The following KCNJ14 variants were observed in gnomAD, a reference collection of about 807,000 sequenced individuals.
KCNJ14 encodes potassium inwardly rectifying channel subfamily J member 14.
A neutral mutation model predicts 24.5 loss-of-function variants in KCNJ14; 18 were observed. The observed-to-expected ratio is 0.74, with a 90% confidence interval of 0.51 to 1.09. The LOEUF is 1.09. Among genes scored for constraint, KCNJ14 ranks in the 50% least tolerant of loss-of-function variants. KCNJ14 has a pLI of 0.00. For missense variants in KCNJ14, 633 were observed against 623.0 expected (o/e 1.02, Z -0.17); for synonymous variants, 288 against 270.8 (o/e 1.06, Z -0.63).
chr19:48,455,961 G>C (rs1251046118), intron 1 of KCNJ14, 103 bp downstream of exon 1: 1 of 152,268 alleles, frequency 6.6e-6, no homozygotes, highest in African/African-American at 2.4e-5. Context: ...GAGTGCTCTT[G>C]AGAAGACTGT....
rs1278932083 is a variant in KCNJ14 at position 48,465,819 on chromosome 19, CT to C, written c.*1043del. On this transcript the variant is annotated 3_prime_UTR_variant, in exon 3 of 3. Coordinates refer to ENST00000342291, the MANE Select transcript of KCNJ14 (RefSeq NM_013348.4). ...TCTGTAATGCCAAAAGGAATGAAGGCTCCAGGGATACAGAGTTGTCCATTAC... is the reference window on the plus strand; with the variant it reads ...TCTGTAATGCCAAAAGGAATGAAGGCCCAGGGATACAGAGTTGTCCATTAC... The C allele has an allele frequency of 6.6e-6, 1 of 152,616 alleles. No homozygotes were observed. The highest frequency in any genetic ancestry group is 1.5e-5 in the Non-Finnish European group (1 of 68,042). The allele number at this position is 152,616 out of a possible 1,614,324, so 9.5% of individuals were successfully genotyped here. A position where few individuals can be genotyped will look rare whatever the true frequency, so the allele number is the denominator to read the frequency against.
rs397711889 is a variant in KCNJ14, at chr19:48,465,322, C to CA, written c.*559dup. 0.04 allele frequency: 5,279 copies of CA among 130,896 alleles called. 206 individuals carry two copies. The highest frequency in any genetic ancestry group is 0.11 in the African/African-American group (3,787 of 35,764). 8.1% of individuals were successfully genotyped at this position (130,896 alleles called of 1,614,324 possible). ...AAGATCATCTTGATTGACCAAAGACCAAAAAAAAAAAAAAGACCTGTGGTT... is the reference window on the plus strand; with the variant it reads ...AAGATCATCTTGATTGACCAAAGACCAAAAAAAAAAAAAAAGACCTGTGGTT... On this transcript the variant is annotated 3_prime_UTR_variant, in exon 3 of 3. Transcript: ENST00000342291.
At position 48,462,451 on chromosome 19, in the gene KCNJ14, G is replaced by A. The variant is rs1003086708; in HGVS notation, c.714+13G>A. ...CCAGCTGCTGCAGGTGCGCCCGGGA[G>A]GAGAGGCGGGGACTTCCGTGAGCCC... On this transcript the variant is annotated intron_variant, in intron 2 of 2. Transcript: ENST00000342291. The surrounding 1 kb of genome is among the most constrained non-coding windows in gnomAD (Gnocchi z 4.9). The A allele has an allele frequency of 1.2e-5, 17 of 1,453,002 alleles. No individual in the cohort carries two copies. Among genetic ancestry groups the A allele is most frequent in the African/African-American group, 2.9e-5 (2 of 70,054 alleles). 90.0% of individuals were successfully genotyped at this position (1,453,002 alleles called of 1,614,324 possible).
rs562805682 is a variant in KCNJ14 at position 48,463,491 on chromosome 19, C to T, written c.715-690C>T. 2.5e-4 allele frequency among the ~76,000 whole-genome samples: 38 copies of T among 152,192 alleles called. No homozygotes were observed. The South Asian group carries it at 3.9e-3, about 16-fold the overall frequency. Reference sequence around the variant, plus strand: ...GCCTGGGAGGTGGCTATGGAACCAGCGGGTAGGCGGGGGTGAAATACCCAC... The same window carrying T: ...GCCTGGGAGGTGGCTATGGAACCAGTGGGTAGGCGGGGGTGAAATACCCAC... On this transcript the variant is annotated intron_variant, in intron 2 of 2. Coordinates refer to ENST00000342291, the MANE Select transcript of KCNJ14 (RefSeq NM_013348.4).
chr19:48,458,465 A>G (rs931179510), intron 1 of KCNJ14, among the ~76,000 whole-genome samples: 4 of 152,278 alleles, frequency 2.6e-5, no homozygotes, highest in Admixed American at 1.3e-4. Context: ...TTTATGAGCC[A>G]TTTGTATACC....
At chr19:48,457,342 A>G (rs866608392) in intron 1 of KCNJ14, among the ~76,000 whole-genome samples, 32 of 152,334 alleles carry the variant, frequency 2.1e-4, no homozygotes, top group African/African-American at 6.7e-4. Context: ...GTCATCCATC[A>G]CACACCTAGT....
rs1971643639 is a variant in KCNJ14, at chr19:48,465,186, G to C, written c.*409G>C. 5.4e-6 allele frequency: 1 copy of C among 184,534 alleles called. No homozygotes were observed. Among genetic ancestry groups the C allele is most frequent in the Admixed American group, 5.3e-5 (1 of 18,880 alleles). 11.4% of individuals were successfully genotyped at this position (184,534 alleles called of 1,614,324 possible). A position where few individuals can be genotyped will look rare whatever the true frequency, so the allele number is the denominator to read the frequency against. On this transcript the variant is annotated 3_prime_UTR_variant, in exon 3 of 3. Transcript: ENST00000342291. ...CAGATATCAAGAGTTTGTAGGTCTG[G>C]ATTCACCTAAGATTCAAGGGAGTGT... is the stretch of plus-strand genomic sequence containing the variant.
chr19:48,460,729 AG>A (rs1971585831), intron 1 of KCNJ14, among the ~76,000 whole-genome samples: 1 of 152,268 alleles, frequency 6.6e-6, no homozygotes, highest in African/African-American at 2.4e-5. Flanking sequence ...TTCAGTACAT[AG>A]ATTTAGCACT....
intron 2 of KCNJ14, 37 bp from the exon 3 acceptor site, chr19:48,464,144 C>T (rs752023924): frequency 2.1e-6 from 3 of 1,435,516 alleles, no homozygotes; most frequent in South Asian, 1.1e-5. Flanking sequence ...CGTCTCTGTG[C>T]TCCCTGCTGT....
At chr19:48,461,592 C>T in intron 1 of KCNJ14, 78 bp from the exon 2 acceptor site, 2 of 481,594 alleles carry the variant, frequency 4.2e-6, no homozygotes, top group Non-Finnish European at 7.0e-6. Context: ...GCCACTAAGC[C>T]CCACCAGAAA....
chr19:48,460,617 CATAGGCTTGCTCTG>C (rs1179605846), intron 1 of KCNJ14, among the ~76,000 whole-genome samples: 1 of 152,172 alleles, frequency 6.6e-6, no homozygotes, highest in African/African-American at 2.4e-5. Context: ...ATGTCTGCCT[CATAGGCTTGCTCTG>C]AGGTTCAAAT....
intron 1 of KCNJ14, among the ~76,000 whole-genome samples, chr19:48,458,998 TG>T (rs1474639883): frequency 6.8e-6 from 1 of 147,088 alleles, no homozygotes; most frequent in African/African-American, 2.5e-5. Context: ...CCCAGCACTT[TG>T]GGAGGCCGAG....
Position 48,461,897 on chromosome 19 carries a change from A to C in KCNJ14, c.173A>C (p.His58Pro), listed in dbSNP as rs1971602041. 6.2e-7 allele frequency: 1 copy of C among 1,602,990 alleles called. No individual in the cohort carries two copies. The highest frequency in any genetic ancestry group is 1.3e-5 in the African/African-American group (1 of 74,676). Reference sequence around the variant, plus strand: ...GGTCGCTTCGTCAAGAAAGACGGGCACTGCAACGTGCGTTTCGTAAACCTG... The same window carrying C: ...GGTCGCTTCGTCAAGAAAGACGGGCCCTGCAACGTGCGTTTCGTAAACCTG... ...RRGRFVKKDG[H>P]CNVRFVNLGG... Residue 58 changes from histidine to proline, a missense_variant, in exon 2 of 3, where the codon CAC (histidine) becomes CCC (proline). Transcript: ENST00000342291.
At chr19:48,459,569 A>G (rs531228132) in intron 1 of KCNJ14, among the ~76,000 whole-genome samples, 1 of 151,924 alleles carries the variant, frequency 6.6e-6, no homozygotes, top group South Asian at 2.1e-4. Context: ...TAATTTTTTA[A>G]TTTTTTTGTA....
chr19:48,461,550 A>AAAAAAAAAAAAAAAAAAAT, intron 1 of KCNJ14, 120 bp from the exon 2 acceptor site: 1 of 349,958 alleles, frequency 2.9e-6, no homozygotes, highest in Non-Finnish European at 4.8e-6. Flanking sequence ...AAAAAAAAAA[A>AAAAAAAAAAAAAAAAAAAT]TGCGTATCGT....
At chr19:48,459,153 T>A (rs1347259633) in intron 1 of KCNJ14, among the ~76,000 whole-genome samples, 1 of 142,722 alleles carries the variant, frequency 7.0e-6, no homozygotes, top group East Asian at 2.1e-4. Context: ...GGCAGGAGAA[T>A]GGCGTGAACC....
chr19:48,466,835 G>A lies in KCNJ14; in HGVS notation c.*2058G>A, dbSNP rs897552759. 2.0e-5 allele frequency: 3 copies of A among 152,266 alleles called. No homozygotes were observed. The highest frequency in any genetic ancestry group is 2.0e-4 in the Admixed American group (3 of 15,288). 9.4% of individuals were successfully genotyped at this position (152,266 alleles called of 1,614,324 possible). On this transcript the variant is annotated 3_prime_UTR_variant, in exon 3 of 3. Coordinates refer to ENST00000342291, the MANE Select transcript of KCNJ14 (RefSeq NM_013348.4). ...CAGGGCAAGGGTAGGCGTGGGCTGT[G>A]GCTAACAGCCAGAGTCACTTCCCTG...
rs766166537 is a variant in KCNJ14, at chr19:48,462,319, G to A, written c.595G>A (p.Val199Ile). Reference protein sequence around the residue: ...AKPKKRNETLVFSENAVVALR... With the variant: ...AKPKKRNETLIFSENAVVALR... ...ACCCAAGAAGCGCAACGAGACGCTG[G>A]TCTTCAGCGAGAACGCCGTCGTGGC... Residue 199 changes from valine (V) to isoleucine (I), a missense_variant, in exon 2 of 3, where the codon GTC (valine) becomes ATC (isoleucine). Transcript: ENST00000342291. The surrounding 1 kb of genome is among the most constrained non-coding windows in gnomAD (Gnocchi z 4.9). 6 of 1,548,412 alleles carry A rather than the reference G, an allele frequency of 3.9e-6. No homozygotes were observed. In the African/African-American group the frequency reaches 8.2e-5, roughly 21 times the overall value.
chr19:48,462,237 T>C lies in KCNJ14; in HGVS notation c.513T>C (p.Ile171=). ...TGGCCGCCGTGGTGCTGCAGTGCAT[T>C]GCCGGCTGCGTGCTCGACGCCTTCG... is the stretch of plus-strand genomic sequence containing the variant. ...AAVAAVVLQC[I]AGCVLDAFVV... Residue 171 remains isoleucine (I), a synonymous_variant, in exon 2 of 3, where the codon ATT becomes ATC. Transcript: ENST00000342291. The surrounding 1 kb of genome is among the most constrained non-coding windows in gnomAD (Gnocchi z 4.9). 6.5e-7 allele frequency: 1 copy of C among 1,549,214 alleles called. No homozygotes were observed. Among genetic ancestry groups the C allele is most frequent in the Non-Finnish European group, 8.7e-7 (1 of 1,145,660 alleles).
Sources: gnomAD v4.1 joint callset for allele counts (sites outside exome capture counted in the v4.1 genomes callset) on GRCh38, gnomAD v4.1.1 for gene constraint, Gnocchi (gnomAD v3.1) non-coding constraint, MANE v1.5 for transcripts, NCBI Gene and HGNC (gene_info 2026-07-23, HGNC 2026-07-21) for gene names.